CLDN12: variants seen among roughly 807,000 people sequenced by gnomAD.
CLDN12 encodes the protein claudin-12.
A neutral mutation model predicts 15.5 loss-of-function variants in CLDN12; 9 were observed. The observed-to-expected ratio is 0.58, with a 90% confidence interval of 0.35 to 1.02. CLDN12 has a LOEUF of 1.02. Ranked by LOEUF, CLDN12 falls within the 50% of genes least tolerant of loss-of-function variation. The pLI, the probability that CLDN12 is intolerant of heterozygous loss-of-function variation, is 0.02. For synonymous variants in CLDN12, 140 were observed against 121.6 expected (o/e 1.15, Z -1.00); for missense variants, 233 against 297.3 (o/e 0.78, Z 1.59).
intron 2 of CLDN12, among the ~76,000 whole-genome samples, chr7:90,411,570 A>G (rs1474808057): frequency 6.6e-6 from 1 of 152,144 alleles, no homozygotes; most frequent in East Asian, 1.9e-4. Flanking sequence ...TATGAACAGT[A>G]GTAGTAATAA....
At chr7:90,412,400 G>A (rs1302615144) in intron 3 of CLDN12, 6 of 389,656 alleles carry the variant, frequency 1.5e-5, no homozygotes, top group Admixed American at 4.1e-5. Flanking sequence ...AATACCGATG[G>A]CTAAAGATTT....
chr7:90,409,701 T>G (rs1796918309), intron 2 of CLDN12, among the ~76,000 whole-genome samples: 1 of 152,224 alleles, frequency 6.6e-6, no homozygotes, highest in Non-Finnish European at 1.5e-5. Context: ...GATAAATTTT[T>G]ATGAACAGGT....
intron 2 of CLDN12, among the ~76,000 whole-genome samples, chr7:90,410,287 A>G (rs1478948757): frequency 6.6e-6 from 1 of 152,194 alleles, no homozygotes; most frequent in Non-Finnish European, 1.5e-5. Context: ...AAATACTGTA[A>G]TTAGTCTCTC....
intron 2 of CLDN12, 70 bp from the exon 3 acceptor site, chr7:90,411,937 A>G (rs1480222111): frequency 6.6e-6 from 1 of 152,190 alleles, no homozygotes; most frequent in Non-Finnish European, 1.5e-5. Context: ...AGCACTTGAC[A>G]TTATATTATC....
chr7:90,408,705 C>T (rs1796892467), intron 2 of CLDN12, among the ~76,000 whole-genome samples: 1 of 152,082 alleles, frequency 6.6e-6, no homozygotes. Flanking sequence ...TCCTTGTTGA[C>T]TCTGTATAGA....
chr7:90,413,903 G>T lies in CLDN12; in HGVS notation c.*492G>T, dbSNP rs1330426305. ...TTAAGGCTGTAACTCTTCTATCGGG[G>T]CTAATTGTATGAATAGGTGTCAGTA... On this transcript the variant is annotated 3_prime_UTR_variant, in exon 4 of 4. Transcript: ENST00000496677. 6.0e-6 allele frequency: 6 copies of T among 998,334 alleles called. No homozygotes were observed. In the African/African-American group the frequency reaches 8.7e-5, roughly 15 times the overall value. 61.8% of individuals were successfully genotyped at this position (998,334 alleles called of 1,614,324 possible). A position where few individuals can be genotyped will look rare whatever the true frequency, so the allele number is the denominator to read the frequency against.
Position 90,414,991 on chromosome 7 carries a change from A to G in CLDN12, c.*1580A>G, listed in dbSNP as rs1797045442. The G allele has an allele frequency of 6.0e-6, 1 of 166,996 alleles. No individual in the cohort carries two copies. Among genetic ancestry groups the G allele is most frequent in the Non-Finnish European group, 1.5e-5 (1 of 68,088 alleles). 10.3% of individuals were successfully genotyped at this position (166,996 alleles called of 1,614,324 possible). A position where few individuals can be genotyped will look rare whatever the true frequency, so the allele number is the denominator to read the frequency against. ...AGTACTATATTCGTAAGGATTTTTT[A>G]TTAACCATTACAGATTTTACAAACA... is the stretch of plus-strand genomic sequence containing the variant. On this transcript the variant is annotated 3_prime_UTR_variant, in exon 4 of 4. Transcript: ENST00000496677.
Position 90,412,994 on chromosome 7 carries a change from T to C in CLDN12, c.318T>C (p.Ile106=), listed in dbSNP as rs1796998129. The C allele has an allele frequency of 5.6e-6, 9 of 1,614,152 alleles. No individual in the cohort carries two copies. The highest frequency in any genetic ancestry group is 6.8e-6 in the Non-Finnish European group (8 of 1,180,032). Residue 106 remains isoleucine, a synonymous_variant, in exon 4 of 4, where the codon ATT becomes ATC. Transcript: ENST00000496677. ...IAMGALLLCL[I]GMCNTAFRSS... ...TGGGTGCCCTGCTGCTCTGCCTGAT[T>C]GGAATGTGCAACACTGCCTTCAGGT...
At chr7:90,412,236 T>A (rs1796978950) in intron 3 of CLDN12, 187 bp downstream of exon 3, 1 of 162,004 alleles carries the variant, frequency 6.2e-6, no homozygotes, top group Non-Finnish European at 1.3e-5. Flanking sequence ...TAACTGATGA[T>A]TGATGAGTGG....
chr7:90,404,896 T>TA (rs1420671097), intron 1 of CLDN12, among the ~76,000 whole-genome samples: 4 of 151,880 alleles, frequency 2.6e-5, no homozygotes, highest in Non-Finnish European at 5.9e-5. Flanking sequence ...TTTTATTTTT[T>TA]TTTTTTTATT....
intron 1 of CLDN12, among the ~76,000 whole-genome samples, chr7:90,404,718 A>G (rs546299924): frequency 7.9e-5 from 12 of 152,252 alleles, no homozygotes; most frequent in African/African-American, 2.9e-4. Context: ...TAAAACATTC[A>G]TTAAATATCA....
At chr7:90,410,168 G>A (rs1796930756) in intron 2 of CLDN12, among the ~76,000 whole-genome samples, 1 of 150,834 alleles carries the variant, frequency 6.6e-6, no homozygotes, top group African/African-American at 2.5e-5. Flanking sequence ...ATTTCTAGTA[G>A]CTTTTTCCAG....
Position 90,415,178 on chromosome 7 carries a change from A to C in CLDN12, c.*1767A>C, listed in dbSNP as rs886441156. The C allele has an allele frequency of 1.2e-5, 2 of 165,176 alleles. No homozygotes were observed. The highest frequency in any genetic ancestry group is 1.3e-4 in the Admixed American group (2 of 15,286). 10.2% of individuals were successfully genotyped at this position (165,176 alleles called of 1,614,324 possible). ...ATAAATTTTTAAATGCCGTCAGTAG[A>C]AAGCACACAAGGTTATGATTTTTTT... On this transcript the variant is annotated 3_prime_UTR_variant, in exon 4 of 4. Transcript: ENST00000496677.
At chr7:90,407,362 G>A (rs1240984408) in intron 2 of CLDN12, among the ~76,000 whole-genome samples, 1 of 152,150 alleles carries the variant, frequency 6.6e-6, no homozygotes, top group African/African-American at 2.4e-5. Context: ...TGTAAAATGG[G>A]AGTCTTTTGG....
chr7:90,408,689 G>A (rs947377324), intron 2 of CLDN12, among the ~76,000 whole-genome samples: 15 of 152,190 alleles, frequency 9.9e-5, no homozygotes, highest in Non-Finnish European at 2.1e-4. Flanking sequence ...AAAAAGTGCC[G>A]TGGTATCCTT....
At position 90,413,154 on chromosome 7, in the gene CLDN12, C is replaced by T; in HGVS notation, c.478C>T (p.His160Tyr). The change falls in exon 4 of 4, where the codon CAT becomes TAT. Residue 160 changes from histidine to tyrosine, a missense_variant. By Grantham distance (83) the His-to-Tyr change is moderately conservative (BLOSUM62 2). Transcript: ENST00000496677. ...TATCTGGGTCATCTTTTATAACATC[C>T]ATCTGAACAAGAAGTTTGAGCCAGT... ...PSIWVIFYNI[H>Y]LNKKFEPVFS... 1.2e-6 allele frequency: 2 copies of T among 1,614,198 alleles called. No individual in the cohort carries two copies. The highest frequency in any genetic ancestry group is 1.7e-6 in the Non-Finnish European group (2 of 1,180,038).
chr7:90,412,491 A>G, intron 3 of CLDN12, 153 bp from the exon 4 acceptor site: 1 of 606,010 alleles, frequency 1.7e-6, no homozygotes, highest in Non-Finnish European at 2.8e-6. Context: ...GCATGTATAT[A>G]CATTTGTACT....
intron 2 of CLDN12, among the ~76,000 whole-genome samples, chr7:90,410,308 A>C (rs549989912): frequency 1.3e-5 from 2 of 152,290 alleles, no homozygotes; most frequent in East Asian, 3.9e-4. Context: ...CCTTTCATAA[A>C]ATTTTCTTAA....
At chr7:90,407,271 C>T (rs1796855899) in intron 2 of CLDN12, among the ~76,000 whole-genome samples, 1 of 152,142 alleles carries the variant, frequency 6.6e-6, no homozygotes, top group South Asian at 2.1e-4. Flanking sequence ...TTTCTAGAAT[C>T]ATAGTCTGCA....
Sources: allele counts gnomAD v4.1 joint callset (sites outside exome capture counted in the v4.1 genomes callset), GRCh38; gene constraint gnomAD v4.1.1; transcripts MANE v1.5; gene names NCBI Gene and HGNC (gene_info 2026-07-23, HGNC 2026-07-21).